CCDC158: variants seen among roughly 807,000 people sequenced by gnomAD.
The protein encoded by CCDC158 is coiled-coil domain-containing protein 158.
Under a neutral mutation model 138.6 loss-of-function variants are expected in CCDC158, and 116 were observed. The ratio of observed to expected loss-of-function variants is 0.84; its 90% CI spans 0.72 to 0.98. The LOEUF is 0.98. Ranked by LOEUF, CCDC158 falls within the 50% of genes least tolerant of loss-of-function variation. The pLI, the probability that CCDC158 is intolerant of heterozygous loss-of-function variation, is 0.00. For missense variants in CCDC158, 1,265 were observed against 1,306.1 expected, an observed-to-expected ratio of 0.97 and a Z score of 0.48; for synonymous variants, 436 against 442.4, an observed-to-expected ratio of 0.99 and a Z score of 0.18.
intron 24 of CCDC158, 142 bp from the exon 25 acceptor site, chr4:76,313,388 T>C (rs564060637): frequency 1.7e-4 from 89 of 512,272 alleles, no homozygotes; most frequent in African/African-American, 1.2e-3. Context: ...TGATGTAGCA[T>C]ATTTTTGAAA....
chr4:76,365,517 C>T (rs1174697665), intron 12 of CCDC158, among the ~76,000 whole-genome samples: 1 of 152,186 alleles, frequency 6.6e-6, no homozygotes, highest in East Asian at 1.9e-4. Context: ...GTTACCCCCT[C>T]CTTCCTACCC....
chr4:76,339,050 T>C (rs1721806570), intron 18 of CCDC158, among the ~76,000 whole-genome samples: 1 of 152,150 alleles, frequency 6.6e-6, no homozygotes, highest in South Asian at 2.1e-4. Context: ...AGCCCTCTTT[T>C]TATAATATGT....
intron 1 of CCDC158, among the ~76,000 whole-genome samples, chr4:76,420,335 G>C (rs566942077): frequency 6.6e-6 from 1 of 152,144 alleles, no homozygotes; most frequent in Non-Finnish European, 1.5e-5. Flanking sequence ...AAAAAACCTG[G>C]GCAACAGCCG....
At position 76,388,494 on chromosome 4, in the gene CCDC158, C is replaced by G. The variant is rs1249666427; in HGVS notation, c.289-3829G>C. Among the ~76,000 whole-genome samples, 3 of 152,260 alleles carry G rather than the reference C, an allele frequency of 2.0e-5. No individual in the cohort carries two copies. The South Asian group carries it at 6.2e-4, about 32-fold the overall frequency. On this transcript the variant is annotated intron_variant, in intron 4 of 24. Transcript: ENST00000682701. Reference sequence around the variant, plus strand: ...TGGTGGTGGTAGCCACAGGGAGAAGCTCCTCTGCCTTTGGAAAGGGGAGGA... The same window carrying G: ...TGGTGGTGGTAGCCACAGGGAGAAGGTCCTCTGCCTTTGGAAAGGGGAGGA...
chr4:76,420,706 C>T (rs1196029413), intron 1 of CCDC158, among the ~76,000 whole-genome samples: 3 of 152,232 alleles, frequency 2.0e-5, no homozygotes, highest in Non-Finnish European at 4.4e-5. Context: ...CTCTTCCCCA[C>T]AAATCAAATC....
At chr4:76,401,085 T>C (rs2109857026) in intron 3 of CCDC158, among the ~76,000 whole-genome samples, 1 of 152,262 alleles carries the variant, frequency 6.6e-6, no homozygotes, top group East Asian at 1.9e-4. Flanking sequence ...AAGGTGTGGA[T>C]CTAAGCCATT....
intron 3 of CCDC158, among the ~76,000 whole-genome samples, chr4:76,402,390 T>A (rs1054336262): frequency 6.6e-6 from 1 of 152,142 alleles, no homozygotes; most frequent in African/African-American, 2.4e-5. Context: ...CAGATGAGGA[T>A]CTGGTAGTTG....
At chr4:76,396,878 T>G (rs1218685879) in intron 3 of CCDC158, among the ~76,000 whole-genome samples, 1 of 152,156 alleles carries the variant, frequency 6.6e-6, no homozygotes, top group Non-Finnish European at 1.5e-5. Context: ...CACTTTATGC[T>G]AACTGATTCC....
At chr4:76,387,326 C>T (rs754996528) in intron 4 of CCDC158, among the ~76,000 whole-genome samples, 39 of 152,196 alleles carry the variant, frequency 2.6e-4, no homozygotes, top group Non-Finnish European at 4.7e-4. Context: ...CACCCTGGGC[C>T]AAAAGGGAAC....
chr4:76,331,254 T>A (rs1720978791), intron 21 of CCDC158, 90 bp downstream of exon 21: 10 of 1,144,042 alleles, frequency 8.7e-6, no homozygotes, highest in Non-Finnish European at 1.3e-5. Flanking sequence ...CTGCAGTGCA[T>A]GGCACATTAC....
intron 1 of CCDC158, among the ~76,000 whole-genome samples, chr4:76,416,540 G>A (rs757993158): frequency 2.0e-5 from 3 of 152,118 alleles, no homozygotes; most frequent in Admixed American, 2.0e-4. Context: ...CAGGCCCAGA[G>A]GCCCAGGAGA....
chr4:76,325,322 G>C (rs970354395), intron 23 of CCDC158, among the ~76,000 whole-genome samples: 1 of 152,162 alleles, frequency 6.6e-6, no homozygotes, highest in African/African-American at 2.4e-5. Context: ...TGTCATACAT[G>C]ATGAGAAATA....
At chr4:76,411,015 A>C (rs13435774) in intron 2 of CCDC158, among the ~76,000 whole-genome samples, 4,017 of 152,320 alleles carry the variant, frequency 0.026, 172 homozygotes, top group African/African-American at 0.092. Context: ...ACTCACGTGC[A>C]GGCCTTCCTA....
rs554564222 is a variant in CCDC158, at chr4:76,330,636, G to A, written c.2942+708C>T. ...TTGCATCTATACTGAACATGTACAG[G>A]CCTTTTTTCTTGTCATTATTCCCTA... On this transcript the variant is annotated intron_variant, in intron 21 of 24. Coordinates refer to ENST00000682701, the MANE Select transcript of CCDC158 (RefSeq NM_001394954.1). Among the ~76,000 whole-genome samples, 15 of 152,142 alleles carry A rather than the reference G, an allele frequency of 9.9e-5. No individual in the cohort carries two copies. In the South Asian group the frequency reaches 2.7e-3, roughly 27 times the overall value.
chr4:76,344,779 C>T, intron 18 of CCDC158: 1 of 1,608,782 alleles, frequency 6.2e-7, no homozygotes, highest in Non-Finnish European at 8.5e-7. Flanking sequence ...CCACCTGCTG[C>T]TATGAAGCCC....
intron 24 of CCDC158, among the ~76,000 whole-genome samples, chr4:76,314,178 C>T (rs1422154546): frequency 3.9e-5 from 6 of 152,156 alleles, no homozygotes; most frequent in African/African-American, 7.2e-5. Context: ...TTTCAAGAGG[C>T]GTCCCATCCA....
intron 2 of CCDC158, among the ~76,000 whole-genome samples, chr4:76,408,022 G>A (rs2109889996): frequency 6.6e-6 from 1 of 152,004 alleles, no homozygotes; most frequent in South Asian, 2.1e-4. Context: ...ACAGAAGACA[G>A]CATAGGTTTA....
At chr4:76,315,873 A>T (rs1011740260) in intron 24 of CCDC158, among the ~76,000 whole-genome samples, 24 of 152,236 alleles carry the variant, frequency 1.6e-4, no homozygotes, top group African/African-American at 5.8e-4. Context: ...AACAATAATG[A>T]TCATTGCAGT....
At chr4:76,408,987 T>G (rs1729072526) in intron 2 of CCDC158, among the ~76,000 whole-genome samples, 1 of 152,216 alleles carries the variant, frequency 6.6e-6, no homozygotes, top group Non-Finnish European at 1.5e-5. Context: ...TGTCTTCTTT[T>G]GAGAAGTGTC....
Sources: allele counts gnomAD v4.1 joint callset (sites outside exome capture counted in the v4.1 genomes callset), GRCh38; gene constraint gnomAD v4.1.1; transcripts MANE v1.5; gene names NCBI Gene and HGNC (gene_info 2026-07-23, HGNC 2026-07-21).